Variants in CNDP1 observed in about 807,000 individuals in gnomAD.
The protein encoded by CNDP1 is carnosine dipeptidase 1, also known as beta-Ala-His dipeptidase.
In CNDP1, 44 loss-of-function variants were observed where a neutral mutation model predicts 58.1. The observed-to-expected ratio is 0.76, with a 90% CI of 0.60 to 0.97. CNDP1 has a LOEUF of 0.97. Ranked by LOEUF, CNDP1 falls within the 50% of genes least tolerant of loss-of-function variation. CNDP1 has a pLI of 0.00. For missense variants in CNDP1, 616 were observed against 655.1 expected, an observed-to-expected ratio of 0.94 and a Z score of 0.65; for synonymous variants, 254 against 252.6, an observed-to-expected ratio of 1.01 and a Z score of -0.05.
chr18:74,561,822 AG>A (rs1981206359), intron 4 of CNDP1, among the ~76,000 whole-genome samples: 1 of 152,172 alleles, frequency 6.6e-6, no homozygotes, highest in South Asian at 2.1e-4. Flanking sequence ...TTATCTGACT[AG>A]CTGATGACTG....
intron 1 of CNDP1, among the ~76,000 whole-genome samples, chr18:74,537,965 C>T (rs1432601888): frequency 6.6e-6 from 1 of 152,220 alleles, no homozygotes; most frequent in Non-Finnish European, 1.5e-5. Context: ...CAATTTACTG[C>T]CTTTTTCACT....
chr18:74,572,672 C>T (rs189472158), intron 7 of CNDP1, among the ~76,000 whole-genome samples: 16 of 151,546 alleles, frequency 1.1e-4, no homozygotes, highest in African/African-American at 3.9e-4. Context: ...CCTGTAGTCC[C>T]AGCTATTTAA....
rs892999341 is a variant in CNDP1, at chr18:74,541,959, C to T, written c.24+7268C>T. 7.9e-5 allele frequency among the ~76,000 whole-genome samples: 12 copies of T among 152,234 alleles called. 1 individual carries two copies. On this transcript the variant is annotated intron_variant, in intron 1 of 11. Transcript: ENST00000358821. ...GGGCGCATTGTGAAAGGGAGAGAAA[C>T]AGTGCTAAGACAAGGCACGCACAGA...
At chr18:74,575,831 A>ATGTATGTGTGTGTGTGTG (rs1555711148) in intron 7 of CNDP1, among the ~76,000 whole-genome samples, 3 of 94,234 alleles carry the variant, frequency 3.2e-5, no homozygotes, top group African/African-American at 7.7e-5. Flanking sequence ...GTGTGTATAC[A>ATGTATGTGTGTGTGTGTG]TGTGTGTGTG....
rs1322351038 is a variant in CNDP1, at chr18:74,560,904, C to T, written c.352C>T (p.Leu118=). ...AATACCTCCCGTCATCCTGGCCGAA[C>T]TGGGGAGCGATCCCACGAAAGGCAC... ...LPIPPVILAE[L]GSDPTKGTVC... The change falls in exon 4 of 12, where the codon CTG becomes TTG. Residue 118 remains leucine, a synonymous_variant. Coordinates refer to ENST00000358821, the MANE Select transcript of CNDP1 (RefSeq NM_032649.6). 6.2e-7 allele frequency: 1 copy of T among 1,614,172 alleles called. No individual in the cohort carries two copies. The highest frequency in any genetic ancestry group is 1.3e-5 in the African/African-American group (1 of 75,054).
chr18:74,552,640 A>T (rs1980939832), intron 1 of CNDP1, among the ~76,000 whole-genome samples: 1 of 152,230 alleles, frequency 6.6e-6, no homozygotes, highest in African/African-American at 2.4e-5. Flanking sequence ...GCCAAATAAT[A>T]TTTCAGTGAA....
chr18:74,577,101 G>A (rs756172422), intron 8 of CNDP1, 72 bp downstream of exon 8: 17 of 1,347,798 alleles, frequency 1.3e-5, no homozygotes, highest in Non-Finnish European at 1.7e-5. Context: ...CTCTGTCTAA[G>A]TCATTGTCTG....
intron 1 of CNDP1, among the ~76,000 whole-genome samples, chr18:74,554,569 C>T (rs1980988749): frequency 6.6e-6 from 1 of 152,170 alleles, no homozygotes; most frequent in Admixed American, 6.5e-5. Context: ...CACCTTCACT[C>T]TATGGGGGCT....
intron 8 of CNDP1, 34 bp from the exon 9 acceptor site, chr18:74,578,129 T>A (rs1981679125): frequency 3.2e-6 from 5 of 1,584,520 alleles, no homozygotes; most frequent in Non-Finnish European, 4.3e-6. Flanking sequence ...GGGTTCTAAT[T>A]AAGCATCCTT....
chr18:74,539,079 G>A (rs1980552086), intron 1 of CNDP1, among the ~76,000 whole-genome samples: 1 of 151,808 alleles, frequency 6.6e-6, no homozygotes, highest in Admixed American at 6.6e-5. Context: ...TCTCTCTCAA[G>A]CAGCCTGTTA....
At chr18:74,562,169 G>A in intron 5 of CNDP1, 34 bp downstream of exon 5, 1 of 1,595,694 alleles carries the variant, frequency 6.3e-7, no homozygotes, top group Non-Finnish European at 8.6e-7. Flanking sequence ...GAGAGGAGGA[G>A]GAGGATGGTA....
chr18:74,550,596 T>TGG (rs1339005693), intron 1 of CNDP1, among the ~76,000 whole-genome samples: 2 of 149,962 alleles, frequency 1.3e-5, no homozygotes, highest in South Asian at 2.1e-4. Context: ...TTTTTTTTTT[T>TGG]GAGACAGTCT....
In CNDP1 at chr18:74,567,433, G is replaced by T. The variant is rs773324396; in HGVS notation, c.756G>T (p.Glu252Asp). The T allele has an allele frequency of 1.9e-6, 3 of 1,612,566 alleles. No individual in the cohort carries two copies. Among genetic ancestry groups the T allele is most frequent in the Non-Finnish European group, 2.5e-6 (3 of 1,178,590 alleles). Reference protein sequence around the residue: ...GTRGNSYFMVEVKCRDQDFHS... With the variant: ...GTRGNSYFMVDVKCRDQDFHS... ...GGGGGAACAGCTACTTCATGGTGGA[G>T]GTATCCACAGAGAGCAGTGCATGGA... Residue 252 changes from glutamate (E) to aspartate (D), a missense_variant and splice_region_variant, in exon 6 of 12, where the codon GAG becomes GAT. Glu to Asp is a conservative substitution (Grantham distance 45). Transcript: ENST00000358821.
In CNDP1 at chr18:74,560,921, G is replaced by A. The variant is rs760096346; in HGVS notation, c.369G>A (p.Thr123=). 9.3e-6 allele frequency: 15 copies of A among 1,614,026 alleles called. No individual in the cohort carries two copies. Among genetic ancestry groups the A allele is most frequent in the African/African-American group, 1.3e-5 (1 of 74,922 alleles). Residue 123 remains threonine, a synonymous_variant, in exon 4 of 12, where the codon ACG becomes ACA. Transcript: ENST00000358821. ...VILAELGSDP[T]KGTVCFYGHL... ...TGGCCGAACTGGGGAGCGATCCCAC[G>A]AAAGGCACCGTGTGCTTCTACGGCC...
chr18:74,580,829 C>T (rs906655961), intron 10 of CNDP1, among the ~76,000 whole-genome samples: 3 of 152,068 alleles, frequency 2.0e-5, no homozygotes, highest in Non-Finnish European at 1.5e-5. Context: ...ATTAGCTGGG[C>T]GTGGTGGCAC....
intron 1 of CNDP1, among the ~76,000 whole-genome samples, chr18:74,547,381 G>T: frequency 6.6e-6 from 1 of 152,198 alleles, no homozygotes; most frequent in East Asian, 1.9e-4. Flanking sequence ...TGGACACCAA[G>T]GACCCACCCT....
Position 74,577,002 on chromosome 18 carries a change from G to A in CNDP1, c.975G>A (p.Arg325=). 6.2e-7 allele frequency: 1 copy of A among 1,612,920 alleles called. No homozygotes were observed. Reference sequence around the variant, plus strand: ...TAGAAGAATACCGGAATAGCAGCCGGGTTGAGAAATTTCTGTTCGATACTA... The same window carrying A: ...TAGAAGAATACCGGAATAGCAGCCGAGTTGAGAAATTTCTGTTCGATACTA... ...LDLEEYRNSS[R]VEKFLFDTKE... The change falls in exon 8 of 12, where the codon CGG becomes CGA. Residue 325 remains arginine, a synonymous_variant. Transcript: ENST00000358821.
chr18:74,534,558 A>G lies in CNDP1; in HGVS notation c.-110A>G. 1 of 1,145,456 alleles carries G rather than the reference A, an allele frequency of 8.7e-7. No homozygotes were observed. Among genetic ancestry groups the G allele is most frequent in the South Asian group, 1.3e-5 (1 of 77,544 alleles). The allele number at this position is 1,145,456 out of a possible 1,614,324, so 71.0% of individuals were successfully genotyped here. A position where few individuals can be genotyped will look rare whatever the true frequency, so the allele number is the denominator to read the frequency against. ...TTCCTTCCGGGGGACAACGTGGGTC[A>G]GGGCACAGAGAGATATTTAATGTCA... On this transcript the variant is annotated 5_prime_UTR_variant, in exon 1 of 12. Transcript: ENST00000358821.
intron 4 of CNDP1, among the ~76,000 whole-genome samples, chr18:74,561,810 T>G (rs898332350): frequency 6.6e-6 from 1 of 152,206 alleles, no homozygotes; most frequent in East Asian, 1.9e-4. Context: ...AATTAGCTTA[T>G]CTTATCTGAC....
Sources: allele counts gnomAD v4.1 joint callset (sites outside exome capture counted in the v4.1 genomes callset), GRCh38; gene constraint gnomAD v4.1.1; transcripts MANE v1.5; gene names NCBI Gene and HGNC (gene_info 2026-07-23, HGNC 2026-07-21).